Variants in SYT2 observed in about 807,000 individuals in gnomAD.
SYT2 encodes synaptotagmin 2.
In SYT2, 15 loss-of-function variants were observed where a neutral mutation model predicts 39.9. That is an observed-to-expected ratio of 0.38 (90% CI 0.25 to 0.58). SYT2 has a LOEUF of 0.58. Ranked by LOEUF, SYT2 falls within the 20% of genes least tolerant of loss-of-function variation. The pLI, the probability that SYT2 is intolerant of heterozygous loss-of-function variation, is 0.70. For synonymous variants in SYT2, 181 were observed against 204.5 expected (o/e 0.89, Z 0.98); for missense variants, 389 against 530.3 (o/e 0.73, Z 2.62).
At chr1:202,600,219 G>A in intron 7 of SYT2, 138 bp downstream of exon 7, 1 of 730,980 alleles carries the variant, frequency 1.4e-6, no homozygotes, top group Non-Finnish European at 2.3e-6. Flanking sequence ...GGAAGCTAAG[G>A]CTCCCCCGCT....
At chr1:202,648,355 A>T (rs1334572944) in intron 1 of SYT2, among the ~76,000 whole-genome samples, 2 of 151,874 alleles carry the variant, frequency 1.3e-5, no homozygotes, top group African/African-American at 4.8e-5. Flanking sequence ...TAATTTTTGT[A>T]TTTTTTACTA....
At position 202,623,686 on chromosome 1, in the gene SYT2, G is replaced by A. The variant is rs1267538487; in HGVS notation, c.-17-17897C>T. ...GGGGTGCACCCGTGGGCCCCAGGAG[G>A]TCTGTTGTGCGCATGCTCTGAGTGT... is the stretch of plus-strand genomic sequence containing the variant. On this transcript the variant is annotated intron_variant, in intron 1 of 8. Transcript: ENST00000367268. This position sits in a 1 kb window ranked among gnomAD's most constrained non-coding sequence, Gnocchi z 4.2. Among the ~76,000 whole-genome samples, 1 of 152,210 alleles carries A rather than the reference G, an allele frequency of 6.6e-6. No homozygotes were observed. The highest frequency in any genetic ancestry group is 6.5e-5 in the Admixed American group (1 of 15,284).
intron 1 of SYT2, among the ~76,000 whole-genome samples, chr1:202,671,350 G>A (rs1283842973): frequency 1.3e-5 from 2 of 152,228 alleles, no homozygotes; most frequent in Non-Finnish European, 2.9e-5. Context: ...CAGCACCAGG[G>A]CAGCCAACTG....
chr1:202,656,377 C>G (rs1304717086), intron 1 of SYT2, among the ~76,000 whole-genome samples: 1 of 152,184 alleles, frequency 6.6e-6, no homozygotes, highest in African/African-American at 2.4e-5. Context: ...AGACTCAGAG[C>G]AGGAGTGGTG....
intron 1 of SYT2, among the ~76,000 whole-genome samples, chr1:202,667,466 CGTGTGTGTGTGT>C (rs35072265): frequency 0.35 from 49,837 of 140,622 alleles, 9,661 homozygotes; most frequent in East Asian, 0.44. Flanking sequence ...AGTGACCAGC[CGTGTGTGTGTGT>C]GTGTGTGTGT....
At chr1:202,677,167 C>A (rs1297661231) in intron 1 of SYT2, among the ~76,000 whole-genome samples, 1 of 152,194 alleles carries the variant, frequency 6.6e-6, no homozygotes, top group Non-Finnish European at 1.5e-5. Context: ...TACCCAGTCT[C>A]AGGTAGTTCT....
rs1448092836 is a variant in SYT2, at chr1:202,601,035, CTT to C, written c.802-563_802-562del. Among the ~76,000 whole-genome samples, 1 of 152,190 alleles carries C rather than the reference CTT, an allele frequency of 6.6e-6. No individual in the cohort carries two copies. Among genetic ancestry groups the C allele is most frequent in the Non-Finnish European group, 1.5e-5 (1 of 68,026 alleles). On this transcript the variant is annotated intron_variant, in intron 6 of 8. Coordinates refer to ENST00000367268, the MANE Select transcript of SYT2 (RefSeq NM_177402.5). This position sits in a 1 kb window ranked among gnomAD's most constrained non-coding sequence, Gnocchi z 4.0. ...CCCTTTTGTTACTATCACTGCAACT[CTT>C]TGATGTAAACAAGACAAGAATTCTT...
At chr1:202,640,837 T>C (rs1691898393) in intron 1 of SYT2, among the ~76,000 whole-genome samples, 1 of 151,298 alleles carries the variant, frequency 6.6e-6, no homozygotes, top group African/African-American at 2.4e-5. Context: ...AGAGCTGATG[T>C]TCCCATTTTG....
chr1:202,632,920 TA>T (rs933186225), intron 1 of SYT2: 1 of 152,148 alleles, frequency 6.6e-6, no homozygotes, highest in Non-Finnish European at 1.5e-5. Context: ...CACAGAGGGG[TA>T]AATGCACCAT....
rs1171134367 is a variant in SYT2, at chr1:202,605,638, G to A, written c.135C>T (p.Ala45=). 3 of 1,613,874 alleles carry A rather than the reference G, an allele frequency of 1.9e-6. No individual in the cohort carries two copies. The Admixed American group carries it at 5.0e-5, about 27-fold the overall frequency. ...GAGESQEDMF[A]KLKEKLFNEI... ...CATTGAATAACTTCTCCTTCAGTTTGGCAAACATGTCCTCCTGGCTCTCCC... is the reference window on the plus strand; with the variant it reads ...CATTGAATAACTTCTCCTTCAGTTTAGCAAACATGTCCTCCTGGCTCTCCC... The change falls in exon 2 of 9, where the codon GCC becomes GCT. Residue 45 remains alanine (A), a synonymous_variant. Coordinates refer to ENST00000367268, the MANE Select transcript of SYT2 (RefSeq NM_177402.5).
At chr1:202,635,334 C>T (rs996798766) in intron 1 of SYT2, among the ~76,000 whole-genome samples, 10 of 152,264 alleles carry the variant, frequency 6.6e-5, no homozygotes, top group South Asian at 4.1e-4. Flanking sequence ...AAGTTCTCCC[C>T]GCTCTCTAAT....
intron 1 of SYT2, among the ~76,000 whole-genome samples, chr1:202,608,165 T>C (rs903473012): frequency 2.0e-5 from 3 of 152,250 alleles, no homozygotes; most frequent in African/African-American, 7.2e-5. Flanking sequence ...ATGTGGTCTT[T>C]GTGACTGGCT....
At chr1:202,624,805 G>GGT (rs1691323991) in intron 1 of SYT2, among the ~76,000 whole-genome samples, 3 of 144,540 alleles carry the variant, frequency 2.1e-5, no homozygotes, top group Admixed American at 1.4e-4. Flanking sequence ...CATGTAGCAT[G>GGT]GTGTGTGTGT....
chr1:202,678,294 A>C (rs967265928), intron 1 of SYT2, among the ~76,000 whole-genome samples: 154 of 151,386 alleles, frequency 1.0e-3, no homozygotes, highest in Non-Finnish European at 1.8e-3. Context: ...AAAAAAAAAA[A>C]AAAAAAACTA....
chr1:202,629,867 T>TG (rs71281826), intron 1 of SYT2, among the ~76,000 whole-genome samples: 13,670 of 38,046 alleles, frequency 0.36, 3,252 homozygotes, highest in Non-Finnish European at 0.46. Flanking sequence ...AGGCAGCTGG[T>TG]GGGGGGGGGG....
intron 1 of SYT2, among the ~76,000 whole-genome samples, chr1:202,613,938 G>A (rs182105677): frequency 2.8e-4 from 43 of 152,322 alleles, no homozygotes; most frequent in African/African-American, 8.7e-4. Context: ...CAGAACTGCC[G>A]TGAAAATTTT....
Position 202,605,608 on chromosome 1 carries a change from T to C in SYT2, c.165A>G (p.Ile55Met), listed in dbSNP as rs1238145975. ...AKLKEKLFNEINKIPLPPWAL... is the reference protein window; with the variant it reads ...AKLKEKLFNEMNKIPLPPWAL... ...AGAGACACTCACAGGGAATCTTGTT[T>C]ATCTCATTGAATAACTTCTCCTTCA... Residue 55 changes from isoleucine (I) to methionine (M), a missense_variant, in exon 2 of 9, where the codon ATA becomes ATG. Around this residue, in one of 4 missense-constraint regions of SYT2, gnomAD observed 280 missense variants for 335.6 expected, o/e 0.83. Transcript: ENST00000367268. 6.2e-7 allele frequency: 1 copy of C among 1,613,926 alleles called. No individual in the cohort carries two copies. Among genetic ancestry groups the C allele is most frequent in the Non-Finnish European group, 8.5e-7 (1 of 1,179,824 alleles).
At chr1:202,600,879 C>T (rs994911272) in intron 6 of SYT2, among the ~76,000 whole-genome samples, 2 of 152,180 alleles carry the variant, frequency 1.3e-5, no homozygotes, top group Non-Finnish European at 2.9e-5. Flanking sequence ...GCCACGTGTC[C>T]ACCACCAAGG....
intron 1 of SYT2, among the ~76,000 whole-genome samples, chr1:202,669,263 T>C (rs1272381929): frequency 2.6e-5 from 4 of 152,158 alleles, no homozygotes; most frequent in Non-Finnish European, 5.9e-5. Context: ...CTCACACCTG[T>C]AATCCCAGCA....
Sources: gnomAD v4.1 joint callset for allele counts (sites outside exome capture counted in the v4.1 genomes callset) on GRCh38, gnomAD v4.1.1 for gene constraint, gnomAD v4.1.1 regional missense constraint, Gnocchi (gnomAD v3.1) non-coding constraint, MANE v1.5 for transcripts, NCBI Gene and HGNC (gene_info 2026-07-23, HGNC 2026-07-21) for gene names.